Variants in NBPF12 observed in about 807,000 individuals in gnomAD.
NBPF12 encodes the protein NBPF member 12.
NBPF12 carries 115 observed loss-of-function variants against 146.4 expected under a neutral mutation model. That is an observed-to-expected ratio of 0.79 (90% CI 0.68 to 0.92). The LOEUF is 0.92. Ranked by LOEUF, NBPF12 falls within the 40% of genes least tolerant of loss-of-function variation. NBPF12 has a pLI of 0.00. For missense variants in NBPF12, 1,205 were observed against 1,326.8 expected (o/e 0.91, Z 1.43); for synonymous variants, 385 against 508.9 (o/e 0.76, Z 3.28).
intron 2 of NBPF12, among the ~76,000 whole-genome samples, chr1:146,958,106 T>C (rs1195882935): frequency 0.11 from 12,272 of 113,518 alleles, 1,483 homozygotes; most frequent in Admixed American, 0.21. Flanking sequence ...TCATTTACAC[T>C]AGGTATATAT....
At chr1:146,954,098 A>G (rs1408788935) in intron 2 of NBPF12, among the ~76,000 whole-genome samples, 1 of 149,110 alleles carries the variant, frequency 6.7e-6, no homozygotes, top group Non-Finnish European at 1.5e-5. Context: ...GTGCTTATAA[A>G]TAAATTCAAC....
upstream of NBPF12, among the ~76,000 whole-genome samples, chr1:146,949,030 CT>C (rs1655204020): frequency 6.6e-6 from 1 of 151,914 alleles, no homozygotes; most frequent in African/African-American, 2.4e-5. Context: ...ACGTGTTTAC[CT>C]GCTGATCTTC....
At chr1:146,966,422 C>T (rs1378355207) in intron 8 of NBPF12, 42 bp from the exon 12 acceptor site, 22 of 1,340,496 alleles carry the variant, frequency 1.6e-5, no homozygotes, top group African/African-American at 7.3e-5. Flanking sequence ...CTTGATTTCA[C>T]CAGTTTTTAA....
At chr1:146,965,174 G>A in intron 8 of NBPF12, 70 bp downstream of exon 11, 2 of 882,588 alleles carry the variant, frequency 2.3e-6, no homozygotes. Flanking sequence ...AGGACAGGCT[G>A]TATATACACA....
chr1:146,977,214 A>T lies in NBPF12; in HGVS notation c.2192+213A>T, dbSNP rs1553887499. ...TGTCTGCACCGTACAGGGATAGCTG[A>T]GTCTTCATCCTTCTCAGCTCCTATC... is the stretch of plus-strand genomic sequence containing the variant. On this transcript the variant is annotated intron_variant, in intron 17 of 33. Transcript: ENST00000617844. 1.3e-3 allele frequency among the ~76,000 whole-genome samples: 172 copies of T among 136,118 alleles called. 9 individuals carry two copies. The highest frequency in any genetic ancestry group is 4.6e-3 in the African/African-American group (161 of 35,378). 89.3% of individuals were successfully genotyped at this position (136,118 alleles called of 152,430 possible).
intron 21 of NBPF12, among the ~76,000 whole-genome samples, 199 bp from the exon 25 acceptor site, chr1:146,984,614 T>TGTGTGTGC (rs1657624245): frequency 4.9e-5 from 7 of 144,052 alleles, no homozygotes; most frequent in Admixed American, 1.4e-4. Context: ...TGTGTGTGTG[T>TGTGTGTGC]GTGTGTGTGT....
intron 5 of NBPF12, among the ~76,000 whole-genome samples, chr1:146,962,851 G>C (rs1475672296): frequency 6.6e-6 from 1 of 151,016 alleles, no homozygotes; most frequent in Non-Finnish European, 1.5e-5. Context: ...ACCTACCTTT[G>C]TTTACAGAAG....
intron 2 of NBPF12, among the ~76,000 whole-genome samples, chr1:146,955,984 C>CT (rs1224364752): frequency 0.084 from 12,382 of 146,702 alleles, 624 homozygotes; most frequent in East Asian, 0.21. Context: ...GCACTGGCTT[C>CT]TTTTTTTTTT....
chr1:146,960,657 C>G (rs1314349615), intron 4 of NBPF12, among the ~76,000 whole-genome samples: 4,623 of 150,426 alleles, frequency 0.031, 262 homozygotes, highest in African/African-American at 0.11. Flanking sequence ...CAAATAACAT[C>G]TAGTCTGTTG....
At chr1:146,976,634 G>A (rs1301953049) in intron 16 of NBPF12, among the ~76,000 whole-genome samples, 1 of 151,148 alleles carries the variant, frequency 6.6e-6, no homozygotes, top group South Asian at 2.1e-4. Context: ...CTGGCAGGAT[G>A]GGGGAGACAG....
exon 34 of NBPF12, chr1:146,994,397 A>T: frequency 1.2e-6 from 2 of 1,612,346 alleles, no homozygotes; most frequent in Non-Finnish European, 1.7e-6. Flanking sequence ...GATAGATGTT[A>T]TTCGACTCCA....
chr1:146,992,434 T>TTCTCTCTCTCTC (rs139645973), intron 31 of NBPF12, among the ~76,000 whole-genome samples: 11 of 81,560 alleles, frequency 1.3e-4, no homozygotes, highest in African/African-American at 5.4e-4. Context: ...ACTGAGCTCG[T>TTCTCTCTCTCTC]TCTCTCTCTC....
chr1:146,943,011 T>A (rs1654874468), intron 1 of NBPF12, among the ~76,000 whole-genome samples: 1 of 138,720 alleles, frequency 7.2e-6, no homozygotes, highest in South Asian at 2.3e-4. Context: ...GGAATCCTCC[T>A]GCCTCAGCCT....
At chr1:146,954,641 T>C (rs1434868769) in intron 2 of NBPF12, among the ~76,000 whole-genome samples, 1 of 150,236 alleles carries the variant, frequency 6.7e-6, no homozygotes, top group African/African-American at 2.4e-5. Flanking sequence ...GATTCTACCA[T>C]TTATATGGTA....
chr1:146,954,648 G>C (rs1166133899), intron 2 of NBPF12, among the ~76,000 whole-genome samples: 1 of 149,546 alleles, frequency 6.7e-6, no homozygotes, highest in African/African-American at 2.5e-5. Flanking sequence ...CCATTTATAT[G>C]GTAATGTCAA....
intron 24 of NBPF12, among the ~76,000 whole-genome samples, 162 bp from the exon 28 acceptor site, chr1:146,987,069 AAAG>A (rs1559529494): frequency 1.4e-5 from 2 of 144,596 alleles, no homozygotes; most frequent in Non-Finnish European, 3.0e-5. Flanking sequence ...GATGCAAACC[AAAG>A]AATATCATGA....
intron 12 of NBPF12, 149 bp from the exon 16 acceptor site, chr1:146,971,034 G>C (rs1172809372): frequency 3.4e-5 from 42 of 1,244,800 alleles, no homozygotes; most frequent in Non-Finnish European, 4.6e-5. Context: ...AGAGAGAAGA[G>C]GATTGCCTGT....
chr1:146,973,686 G>C (rs1346598103), intron 14 of NBPF12, among the ~76,000 whole-genome samples: 4 of 148,678 alleles, frequency 2.7e-5, no homozygotes, highest in African/African-American at 1.0e-4. Flanking sequence ...TGCTCAGGAG[G>C]CTGAGGCAGT....
chr1:146,954,359 C>T (rs1655460363), intron 2 of NBPF12, among the ~76,000 whole-genome samples: 1 of 102,800 alleles, frequency 9.7e-6, no homozygotes, highest in Non-Finnish European at 1.9e-5. Context: ...CACTGCACTC[C>T]AGCCTGGGTA....
Sources: gnomAD v4.1 joint callset for allele counts (sites outside exome capture counted in the v4.1 genomes callset) on GRCh38, gnomAD v4.1.1 for gene constraint, MANE v1.5 for transcripts, NCBI Gene and HGNC (gene_info 2026-07-23, HGNC 2026-07-21) for gene names.